PLEKHA5: variants seen among roughly 807,000 people sequenced by gnomAD.
PLEKHA5 encodes pleckstrin homology domain containing A5, also known as pleckstrin homology domain-containing family A member 5.
Under a neutral mutation model 181.9 loss-of-function variants are expected in PLEKHA5, and 55 were observed. That is an observed-to-expected ratio of 0.30 (90% CI 0.24 to 0.38). The LOEUF is 0.38. Ranked by LOEUF, PLEKHA5 falls within the 10% of genes least tolerant of loss-of-function variation. The pLI, the probability that PLEKHA5 is intolerant of heterozygous loss-of-function variation, is 1.00. For synonymous variants in PLEKHA5, 535 were observed against 529.4 expected, an observed-to-expected ratio of 1.01 and a Z score of -0.15; for missense variants, 1,432 against 1,549.5, an observed-to-expected ratio of 0.92 and a Z score of 1.27.
chr12:19,225,156 C>G (rs2059518498), intron 3 of PLEKHA5, among the ~76,000 whole-genome samples: 1 of 152,148 alleles, frequency 6.6e-6, no homozygotes, highest in Non-Finnish European at 1.5e-5. Flanking sequence ...AGTACTTGTC[C>G]TTTTACAGCT....
chr12:19,211,031 A>G (rs1279907491), intron 3 of PLEKHA5, among the ~76,000 whole-genome samples: 1 of 152,170 alleles, frequency 6.6e-6, no homozygotes, highest in African/African-American at 2.4e-5. Context: ...TTTAAGGCTT[A>G]AGGAGGTATT....
At chr12:19,131,889 G>A (rs552306926) in intron 2 of PLEKHA5, among the ~76,000 whole-genome samples, 20 of 152,156 alleles carry the variant, frequency 1.3e-4, no homozygotes, top group Non-Finnish European at 2.6e-4. Flanking sequence ...AACACACACG[G>A]AAGTATTCGG....
At chr12:19,192,913 C>T (rs1296092197) in intron 3 of PLEKHA5, among the ~76,000 whole-genome samples, 2 of 152,052 alleles carry the variant, frequency 1.3e-5, no homozygotes, top group Non-Finnish European at 2.9e-5. Context: ...CAGCCTGCTG[C>T]CTGTTTTTGT....
intron 3 of PLEKHA5, among the ~76,000 whole-genome samples, chr12:19,178,060 G>T (rs2047715589): frequency 6.6e-6 from 1 of 152,094 alleles, no homozygotes; most frequent in South Asian, 2.1e-4. Flanking sequence ...AACTTCCACG[G>T]CTCCTGGTGT....
chr12:19,138,350 A>G (rs919346012), intron 3 of PLEKHA5, among the ~76,000 whole-genome samples: 8 of 152,070 alleles, frequency 5.3e-5, no homozygotes, highest in African/African-American at 1.9e-4. Context: ...AGGCAGGCGG[A>G]TCACTTGAAG....
At chr12:19,350,640 G>A (rs963099033) in intron 25 of PLEKHA5, among the ~76,000 whole-genome samples, 8 of 152,100 alleles carry the variant, frequency 5.3e-5, no homozygotes, top group African/African-American at 1.7e-4. Flanking sequence ...GTGGTGGCGG[G>A]CACCTGTAAT....
chr12:19,198,251 C>A (rs1388034581), intron 3 of PLEKHA5, among the ~76,000 whole-genome samples: 1 of 152,160 alleles, frequency 6.6e-6, no homozygotes, highest in African/African-American at 2.4e-5. Context: ...GTAAGTCTAA[C>A]CCTAGTTGAC....
intron 15 of PLEKHA5, chr12:19,303,744 C>A (rs1362763101): frequency 6.6e-6 from 1 of 151,464 alleles, no homozygotes. Context: ...AAGCACTGCA[C>A]TCAAGCCTGG....
rs532420450 is a variant in PLEKHA5, at chr12:19,172,519, A to G, written c.227+40069A>G. ...GAAGATATACAGATTGCAAATACAT[A>G]CTTGAAAATCTGCGCAACATCAGTA... On this transcript the variant is annotated intron_variant, in intron 3 of 31. Coordinates refer to ENST00000429027, the MANE Select transcript of PLEKHA5 (RefSeq NM_001256470.2). Among the ~76,000 whole-genome samples, 3 of 152,350 alleles carry G rather than the reference A, an allele frequency of 2.0e-5. No individual in the cohort carries two copies. In the South Asian group the frequency reaches 6.2e-4, roughly 32 times the overall value.
intron 20 of PLEKHA5, among the ~76,000 whole-genome samples, chr12:19,335,833 T>A (rs1216631873): frequency 6.6e-6 from 1 of 152,084 alleles, no homozygotes; most frequent in South Asian, 2.1e-4. Flanking sequence ...GGTTTCACCA[T>A]GTTGGCCAGG....
intron 20 of PLEKHA5, among the ~76,000 whole-genome samples, chr12:19,328,691 T>C (rs1178356288): frequency 6.6e-6 from 1 of 152,138 alleles, no homozygotes; most frequent in African/African-American, 2.4e-5. Context: ...TGATTTTGTG[T>C]CCTGAAACTT....
intron 3 of PLEKHA5, among the ~76,000 whole-genome samples, chr12:19,222,004 C>A (rs1442423641): frequency 6.6e-6 from 1 of 152,036 alleles, no homozygotes; most frequent in Admixed American, 6.5e-5. Flanking sequence ...TGCCTGTAGT[C>A]CCAGCTACTC....
intron 3 of PLEKHA5, chr12:19,237,057 A>C (rs1419379663): frequency 6.6e-6 from 1 of 152,200 alleles, no homozygotes; most frequent in Non-Finnish European, 1.5e-5. Context: ...TGTTACTTTA[A>C]TGTATTAATA....
At chr12:19,145,556 A>G (rs1238016337) in intron 3 of PLEKHA5, among the ~76,000 whole-genome samples, 2 of 152,120 alleles carry the variant, frequency 1.3e-5, no homozygotes, top group African/African-American at 4.8e-5. Context: ...TTTATTTAAT[A>G]AATATCTTAG....
At chr12:19,273,932 G>A (rs527431376) in intron 10 of PLEKHA5, among the ~76,000 whole-genome samples, 1 of 152,342 alleles carries the variant, frequency 6.6e-6, no homozygotes, top group South Asian at 2.1e-4. Context: ...TACTTTGCCT[G>A]AAGACTCAGC....
chr12:19,369,555 T>A, intron 30 of PLEKHA5, 138 bp from the exon 31 acceptor site: 1 of 356,598 alleles, frequency 2.8e-6, no homozygotes. Context: ...AAAGAAAAAA[T>A]CACAATAGAA....
intron 8 of PLEKHA5, among the ~76,000 whole-genome samples, chr12:19,266,987 C>T (rs184074122): frequency 1.4e-3 from 212 of 152,224 alleles, no homozygotes; most frequent in Middle Eastern, 3.4e-3. Flanking sequence ...TAAATCCAAG[C>T]AGACCTGAGA....
rs71539469 is a variant in PLEKHA5 at position 19,369,854 on chromosome 12, T to C, written c.*11+56T>C. ...AGTTTTTTACTTGAATTTTATGACT[T>C]ATCTGTTGGTTTAGTGAATCAAAAC... On this transcript the variant is annotated intron_variant, in intron 31 of 31. Transcript: ENST00000429027. 2.8e-3 allele frequency: 2,939 copies of C among 1,047,740 alleles called. 19 individuals are homozygous for C. Among genetic ancestry groups the C allele is most frequent in the African/African-American group, 0.023 (1,483 of 63,332 alleles). The allele number at this position is 1,047,740 out of a possible 1,614,324, so 64.9% of individuals were successfully genotyped here. A position where few individuals can be genotyped will look rare whatever the true frequency, so the allele number is the denominator to read the frequency against.
At chr12:19,265,233 A>G (rs2069936900) in intron 7 of PLEKHA5, among the ~76,000 whole-genome samples, 1 of 152,224 alleles carries the variant, frequency 6.6e-6, no homozygotes, top group Non-Finnish European at 1.5e-5. Context: ...CTTACATTCT[A>G]GCATGGAGAA....
Sources: gnomAD v4.1 joint callset for allele counts (sites outside exome capture counted in the v4.1 genomes callset) on GRCh38, gnomAD v4.1.1 for gene constraint, MANE v1.5 for transcripts, NCBI Gene and HGNC (gene_info 2026-07-23, HGNC 2026-07-21) for gene names.